Variants in FBXW7 observed in about 807,000 individuals in gnomAD.
FBXW7 encodes F-box/WD repeat-containing protein 7.
FBXW7 carries 11 observed loss-of-function variants against 86.3 expected under a neutral mutation model. The ratio of observed to expected loss-of-function variants is 0.13; its 90% CI spans 0.08 to 0.21. The LOEUF (loss-of-function observed/expected upper bound fraction) is 0.21, where lower values mean the gene tolerates loss of function less well. Among genes scored for constraint, FBXW7 ranks in the 10% least tolerant of loss-of-function variants. FBXW7 has a pLI of 1.00. For missense variants in FBXW7, 488 were observed against 847.4 expected (o/e 0.58, Z 5.27); for synonymous variants, 313 against 297.9 (o/e 1.05, Z -0.52).
chr4:152,326,313 G>T (rs1002658878), intron 11 of FBXW7, 82 bp from the exon 12 acceptor site: 186 of 782,744 alleles, frequency 2.4e-4, no homozygotes, highest in Non-Finnish European at 2.6e-4. Flanking sequence ...AAACATGGTA[G>T]ATTTAGTCAA....
chr4:152,395,506 T>A (rs1736343682), intron 4 of FBXW7, among the ~76,000 whole-genome samples: 1 of 152,064 alleles, frequency 6.6e-6, no homozygotes, highest in South Asian at 2.1e-4. Flanking sequence ...ATAGACCACT[T>A]CAAATCTCAA....
intron 4 of FBXW7, among the ~76,000 whole-genome samples, chr4:152,396,831 A>G (rs1736458002): frequency 6.6e-6 from 1 of 152,066 alleles, no homozygotes; most frequent in African/African-American, 2.4e-5. Context: ...ACTAAGGCAT[A>G]AAAAATATTA....
At chr4:152,493,091 T>TA (rs963460078) in intron 2 of FBXW7, among the ~76,000 whole-genome samples, 9 of 151,490 alleles carry the variant, frequency 5.9e-5, no homozygotes, top group East Asian at 3.9e-4. Context: ...AGAAGCCTGT[T>TA]AAAAAAAGGC....
intron 2 of FBXW7, among the ~76,000 whole-genome samples, chr4:152,505,024 T>C (rs1005831190): frequency 4.6e-5 from 7 of 152,196 alleles, no homozygotes; most frequent in African/African-American, 1.7e-4. Flanking sequence ...TGTGTGAATA[T>C]TACACAGTGC....
At chr4:152,505,427 G>A (rs549826183) in intron 2 of FBXW7, among the ~76,000 whole-genome samples, 5 of 151,882 alleles carry the variant, frequency 3.3e-5, no homozygotes, top group Non-Finnish European at 5.9e-5. Context: ...TGCCTGTTTT[G>A]TAATAACACT....
At chr4:152,519,421 T>G (rs753080981) in intron 2 of FBXW7, among the ~76,000 whole-genome samples, 9 of 152,140 alleles carry the variant, frequency 5.9e-5, no homozygotes, top group Non-Finnish European at 1.0e-4. Flanking sequence ...AAACCATAGG[T>G]TTTCAAATCC....
At chr4:152,508,340 T>C (rs955547334) in intron 2 of FBXW7, among the ~76,000 whole-genome samples, 7 of 152,010 alleles carry the variant, frequency 4.6e-5, no homozygotes, top group Non-Finnish European at 7.4e-5. Flanking sequence ...AAACCACTAA[T>C]GTAAATACAG....
chr4:152,417,744 C>A (rs956470450), intron 2 of FBXW7, among the ~76,000 whole-genome samples: 2 of 152,088 alleles, frequency 1.3e-5, no homozygotes, highest in Admixed American at 6.6e-5. Flanking sequence ...ACTCAGATAT[C>A]CCCTCAACCT....
intron 6 of FBXW7, chr4:152,338,201 A>G (rs910154233): frequency 3.7e-5 from 9 of 241,958 alleles, no homozygotes; most frequent in Non-Finnish European, 7.1e-5. Flanking sequence ...TATAATAGTT[A>G]TATGTTCATC....
At chr4:152,377,182 T>TA (rs397880411) in intron 4 of FBXW7, among the ~76,000 whole-genome samples, 1 of 152,168 alleles carries the variant, frequency 6.6e-6, no homozygotes, top group Admixed American at 6.5e-5. Flanking sequence ...CCTGCAGCAT[T>TA]AGAGAGTCCT....
At chr4:152,363,034 C>A (rs373928009) in intron 4 of FBXW7, among the ~76,000 whole-genome samples, 5 of 152,052 alleles carry the variant, frequency 3.3e-5, no homozygotes, top group African/African-American at 1.2e-4. Context: ...TTACCCCCTA[C>A]CAATCCATTT....
intron 9 of FBXW7, among the ~76,000 whole-genome samples, chr4:152,330,321 CA>C (rs1414163930): frequency 6.6e-6 from 1 of 151,590 alleles, no homozygotes; most frequent in Non-Finnish European, 1.5e-5. Flanking sequence ...GACAGAAAAC[CA>C]GAATTATGCT....
chr4:152,446,727 TG>T (rs1261222042), intron 2 of FBXW7, among the ~76,000 whole-genome samples: 1 of 152,202 alleles, frequency 6.6e-6, no homozygotes, highest in Non-Finnish European at 1.5e-5. Context: ...GTCAACACTC[TG>T]GTGTTTACTT....
At chr4:152,437,401 C>T (rs1433808548) in intron 2 of FBXW7, among the ~76,000 whole-genome samples, 1 of 151,600 alleles carries the variant, frequency 6.6e-6, no homozygotes, top group Non-Finnish European at 1.5e-5. Context: ...AATTCAGTGG[C>T]GGAAGTCACT....
At chr4:152,431,849 A>T (rs1739919692) in intron 2 of FBXW7, among the ~76,000 whole-genome samples, 1 of 152,220 alleles carries the variant, frequency 6.6e-6, no homozygotes, top group Admixed American at 6.5e-5. Context: ...CACTAGTTTT[A>T]TACAGTGGTG....
chr4:152,497,249 G>C (rs1445621553), intron 2 of FBXW7, among the ~76,000 whole-genome samples: 1 of 149,872 alleles, frequency 6.7e-6, no homozygotes, highest in Non-Finnish European at 1.5e-5. Flanking sequence ...CTTGAACCCG[G>C]GAGGCAGAAT....
chr4:152,361,481 A>T (rs1436727353), intron 4 of FBXW7, among the ~76,000 whole-genome samples: 1 of 151,772 alleles, frequency 6.6e-6, no homozygotes, highest in Non-Finnish European at 1.5e-5. Context: ...TTTTCAAGAC[A>T]ACTTAACTTG....
rs571578110 is a variant in FBXW7, at chr4:152,400,577, G to C, written c.501+10726C>G. ...GCCCAGGCTGGTCTCAAACTCCTGG[G>C]CTCAAGCGATCCTCCCACCTCAGCC... On this transcript the variant is annotated intron_variant, in intron 4 of 13. Transcript: ENST00000281708. Among the ~76,000 whole-genome samples the C allele has an allele frequency of 2.0e-5, 3 of 151,964 alleles. No individual in the cohort carries two copies. The South Asian group carries it at 6.2e-4, about 32-fold the overall frequency.
chr4:152,413,954 C>A (rs1416802040), intron 2 of FBXW7, among the ~76,000 whole-genome samples: 2 of 152,044 alleles, frequency 1.3e-5, no homozygotes, highest in Non-Finnish European at 2.9e-5. Flanking sequence ...CAGTTGATTC[C>A]CATTCACAGT....
Sources: gnomAD v4.1 joint callset for allele counts (sites outside exome capture counted in the v4.1 genomes callset) on GRCh38, gnomAD v4.1.1 for gene constraint, MANE v1.5 for transcripts, NCBI Gene and HGNC (gene_info 2026-07-23, HGNC 2026-07-21) for gene names.